GABRG3: variants seen among roughly 807,000 people sequenced by gnomAD.
GABRG3 encodes gamma-aminobutyric acid type A receptor subunit gamma3.
In GABRG3, 25 loss-of-function variants were observed where a neutral mutation model predicts 48.8. The ratio of observed to expected loss-of-function variants is 0.51; its 90% CI spans 0.37 to 0.72. GABRG3 has a LOEUF of 0.72. Ranked by LOEUF, GABRG3 falls within the 30% of genes least tolerant of loss-of-function variation. GABRG3 has a pLI of 0.00. For missense variants in GABRG3, 394 were observed against 577.9 expected, an observed-to-expected ratio of 0.68 and a Z score of 3.26; for synonymous variants, 227 against 217.6, an observed-to-expected ratio of 1.04 and a Z score of -0.38.
At chr15:27,401,340 AG>A (rs749755444) in intron 5 of GABRG3, among the ~76,000 whole-genome samples, 3 of 152,204 alleles carry the variant, frequency 2.0e-5, no homozygotes, top group African/African-American at 4.8e-5. Context: ...TTTAAAAACC[AG>A]GGTTCTATTG....
chr15:27,173,228 C>G (rs2140412100), intron 3 of GABRG3, among the ~76,000 whole-genome samples: 1 of 152,172 alleles, frequency 6.6e-6, no homozygotes, highest in African/African-American at 2.4e-5. Flanking sequence ...TTTTACCTAC[C>G]TAATTTATTT....
chr15:27,398,414 A>G (rs1887379294), intron 5 of GABRG3, among the ~76,000 whole-genome samples: 1 of 152,182 alleles, frequency 6.6e-6, no homozygotes, highest in Non-Finnish European at 1.5e-5. Flanking sequence ...ATTTATAAAT[A>G]TTTATTGGGA....
chr15:27,484,602 AATAT>A (rs1004737736), intron 6 of GABRG3, among the ~76,000 whole-genome samples: 2 of 152,186 alleles, frequency 1.3e-5, no homozygotes, highest in Non-Finnish European at 2.9e-5. Flanking sequence ...CTTGGTTTCT[AATAT>A]CATTCTCCAA....
intron 3 of GABRG3, among the ~76,000 whole-genome samples, chr15:27,158,724 G>A (rs981440936): frequency 1.3e-5 from 2 of 152,110 alleles, no homozygotes; most frequent in African/African-American, 2.4e-5. Flanking sequence ...TGGCATTATT[G>A]TCAAATATTA....
chr15:27,101,843 A>T (rs1019120050), intron 3 of GABRG3, among the ~76,000 whole-genome samples: 1 of 60,384 alleles, frequency 1.7e-5, no homozygotes, highest in Non-Finnish European at 2.9e-5. Flanking sequence ...CTGATGAGCT[A>T]AAAAAAAAAA....
At chr15:27,399,355 A>T (rs1887412841) in intron 5 of GABRG3, among the ~76,000 whole-genome samples, 1 of 152,180 alleles carries the variant, frequency 6.6e-6, no homozygotes, top group Non-Finnish European at 1.5e-5. Flanking sequence ...TGCAGAAATG[A>T]ACACGTGCTT....
intron 9 of GABRG3, among the ~76,000 whole-genome samples, chr15:27,531,618 A>G (rs1411602039): frequency 6.6e-6 from 1 of 152,208 alleles, no homozygotes; most frequent in African/African-American, 2.4e-5. Context: ...ACCAGCACAG[A>G]TGAAACCAAA....
chr15:27,223,465 G>A (rs962516206), intron 3 of GABRG3, among the ~76,000 whole-genome samples: 1 of 152,158 alleles, frequency 6.6e-6, no homozygotes, highest in Non-Finnish European at 1.5e-5. Context: ...TTTAAGACCA[G>A]AGGGTCAATT....
intron 5 of GABRG3, among the ~76,000 whole-genome samples, chr15:27,431,040 T>G (rs180924658): frequency 8.6e-5 from 13 of 150,656 alleles, no homozygotes; most frequent in African/African-American, 2.9e-4. Flanking sequence ...AATAAATAAA[T>G]CAGTAGTATA....
At chr15:27,211,389 C>T (rs1010233979) in intron 3 of GABRG3, among the ~76,000 whole-genome samples, 6 of 152,182 alleles carry the variant, frequency 3.9e-5, no homozygotes, top group African/African-American at 1.4e-4. Flanking sequence ...GCTTAGGAAA[C>T]AAATAATCCG....
chr15:27,335,243 G>C (rs549879792), intron 5 of GABRG3, among the ~76,000 whole-genome samples: 16 of 140,292 alleles, frequency 1.1e-4, no homozygotes, highest in Middle Eastern at 3.6e-3. Flanking sequence ...CAGTTCTTAC[G>C]GGTATATTCC....
intron 3 of GABRG3, among the ~76,000 whole-genome samples, chr15:27,030,368 C>T (rs929043481): frequency 6.6e-6 from 1 of 152,148 alleles, no homozygotes; most frequent in Non-Finnish European, 1.5e-5. Flanking sequence ...CTCAGCCATT[C>T]CTTCTGTGGA....
chr15:27,154,738 A>G (rs1440792669), intron 3 of GABRG3, among the ~76,000 whole-genome samples: 2 of 152,120 alleles, frequency 1.3e-5, no homozygotes, highest in Non-Finnish European at 2.9e-5. Context: ...GTTTGTTAAT[A>G]TGTATCTTTA....
At chr15:27,097,616 C>T (rs1897286593) in intron 3 of GABRG3, among the ~76,000 whole-genome samples, 1 of 151,964 alleles carries the variant, frequency 6.6e-6, no homozygotes, top group African/African-American at 2.4e-5. Context: ...TTCTGTTCAC[C>T]CTGCCGCAGA....
chr15:27,312,941 A>G (rs1169036035), intron 3 of GABRG3, among the ~76,000 whole-genome samples: 8 of 151,560 alleles, frequency 5.3e-5, no homozygotes, highest in South Asian at 2.1e-4. Context: ...AGTATAAAAT[A>G]TAACTAAAAA....
At chr15:27,102,482 T>C (rs893372509) in intron 3 of GABRG3, among the ~76,000 whole-genome samples, 9 of 152,166 alleles carry the variant, frequency 5.9e-5, no homozygotes, top group Non-Finnish European at 1.2e-4. Flanking sequence ...AATATTAAAT[T>C]TTTATAAAAT....
intron 2 of GABRG3, among the ~76,000 whole-genome samples, chr15:26,998,497 G>A (rs189722775): frequency 1.7e-4 from 26 of 152,272 alleles, no homozygotes; most frequent in Admixed American, 5.9e-4. Flanking sequence ...ATCTTGGCTT[G>A]TTCTTTCTGG....
intron 3 of GABRG3, among the ~76,000 whole-genome samples, chr15:27,296,373 G>A (rs911101082): frequency 1.3e-5 from 2 of 152,156 alleles, no homozygotes. Flanking sequence ...AGACAAGGAA[G>A]TGGCTGGGAA....
chr15:27,260,716 A>G (rs1200807885), intron 3 of GABRG3, among the ~76,000 whole-genome samples: 1 of 152,156 alleles, frequency 6.6e-6, no homozygotes, highest in Non-Finnish European at 1.5e-5. Flanking sequence ...GCCTCCTTCC[A>G]GCAAAATGGC....
Sources: gnomAD v4.1 joint callset for allele counts (sites outside exome capture counted in the v4.1 genomes callset) on GRCh38, gnomAD v4.1.1 for gene constraint, MANE v1.5 for transcripts, NCBI Gene and HGNC (gene_info 2026-07-23, HGNC 2026-07-21) for gene names.